Variants in TMEM38B observed in about 807,000 individuals in gnomAD.
The protein encoded by TMEM38B is trimeric intracellular cation channel type B.
TMEM38B carries 24 observed loss-of-function variants against 28.7 expected under a neutral mutation model. The observed-to-expected ratio is 0.84, with a 90% confidence interval of 0.61 to 1.18. The LOEUF (loss-of-function observed/expected upper bound fraction) is 1.18, where lower values mean the gene tolerates loss of function less well. Among genes scored for constraint, TMEM38B ranks in the 50% most tolerant of loss-of-function variants. The pLI is 0.00. For missense variants in TMEM38B, 380 were observed against 350.9 expected, an observed-to-expected ratio of 1.08 and a Z score of -0.66; for synonymous variants, 131 against 127.7, an observed-to-expected ratio of 1.03 and a Z score of -0.17.
intron 2 of TMEM38B, chr9:105,710,507 T>C: frequency 7.8e-7 from 1 of 1,289,852 alleles, no homozygotes; most frequent in Non-Finnish European, 1.1e-6. Context: ...ATTTGGTGTC[T>C]TCCGATCCCC....
intron 5 of TMEM38B, among the ~76,000 whole-genome samples, chr9:105,772,569 C>G (rs1826587895): frequency 6.6e-6 from 1 of 152,012 alleles, no homozygotes; most frequent in Non-Finnish European, 1.5e-5. Flanking sequence ...ACTTTATGTA[C>G]TTCTGTCTTT....
At chr9:105,714,191 G>A (rs754315090) in intron 2 of TMEM38B, among the ~76,000 whole-genome samples, 1 of 152,078 alleles carries the variant, frequency 6.6e-6, no homozygotes, top group Non-Finnish European at 1.5e-5. Flanking sequence ...TGCTTGCAGA[G>A]AGGAGCCACC....
chr9:105,743,112 A>G (rs188670245), intron 4 of TMEM38B, among the ~76,000 whole-genome samples: 1 of 152,302 alleles, frequency 6.6e-6, no homozygotes, highest in African/African-American at 2.4e-5. Flanking sequence ...ATAAAATAAA[A>G]CATGACTGTT....
At chr9:105,770,534 C>T (rs893194033) in intron 5 of TMEM38B, among the ~76,000 whole-genome samples, 4 of 151,970 alleles carry the variant, frequency 2.6e-5, no homozygotes, top group African/African-American at 9.7e-5. Context: ...GTTCATTCAC[C>T]TAGGTTTTTT....
chr9:105,758,271 C>T, intron 5 of TMEM38B: 1 of 674,812 alleles, frequency 1.5e-6, no homozygotes, highest in Admixed American at 2.3e-5. Context: ...GACACTGAGG[C>T]TCACAGACGT....
chr9:105,695,525 A>G (rs7039618), intron 1 of TMEM38B, among the ~76,000 whole-genome samples: 60,247 of 152,102 alleles, frequency 0.4, 13,029 homozygotes, highest in East Asian at 0.59. Flanking sequence ...ATCAAGGGAC[A>G]GTAGTTGTAT....
intron 1 of TMEM38B, among the ~76,000 whole-genome samples, chr9:105,697,875 T>A (rs58483524): frequency 0.039 from 5,938 of 152,246 alleles, 245 homozygotes; most frequent in African/African-American, 0.1. Flanking sequence ...GATCTTTTTT[T>A]AAAAAATTCT....
chr9:105,709,072 T>TA (rs1032692084), intron 2 of TMEM38B, among the ~76,000 whole-genome samples: 4 of 152,008 alleles, frequency 2.6e-5, no homozygotes, highest in African/African-American at 9.7e-5. Context: ...TGTAAATCAC[T>TA]AAAAAGTAAA....
At chr9:105,760,070 G>T in intron 5 of TMEM38B, 2 of 1,086,924 alleles carry the variant, frequency 1.8e-6, no homozygotes, top group South Asian at 1.3e-5. Context: ...GTGTTGACTG[G>T]TACACGAAGT....
intron 5 of TMEM38B, among the ~76,000 whole-genome samples, chr9:105,763,205 G>C (rs1838129777): frequency 6.6e-6 from 1 of 151,894 alleles, no homozygotes; most frequent in South Asian, 2.1e-4. Flanking sequence ...CCATTTTGTA[G>C]GTTGCCTGTT....
chr9:105,758,834 A>T (rs1012481742), intron 5 of TMEM38B: 5 of 924,370 alleles, frequency 5.4e-6, no homozygotes, highest in Non-Finnish European at 9.0e-6. Flanking sequence ...TAATCAATGA[A>T]GATCAAGAAA....
At position 105,747,323 on chromosome 9, in the gene TMEM38B, G is replaced by A. The variant is rs1837447173; in HGVS notation, c.543-750G>A. ...GTCTTGGGAGAGTGTATGTGTCGAG[G>A]AATTTATCCATTTCTTCTAGATTTT... On this transcript the variant is annotated intron_variant, in intron 4 of 5. Transcript: ENST00000374692. 2.0e-5 allele frequency among the ~76,000 whole-genome samples: 3 copies of A among 152,330 alleles called. No individual in the cohort carries two copies. The South Asian group carries it at 6.2e-4, about 32-fold the overall frequency.
At chr9:105,759,155 C>T in intron 5 of TMEM38B, 1 of 764,958 alleles carries the variant, frequency 1.3e-6, no homozygotes, top group South Asian at 1.4e-5. Context: ...ATATATTCAG[C>T]ACAATCACAG....
At position 105,774,097 on chromosome 9, in the gene TMEM38B, C is replaced by T. The variant is rs375149894; in HGVS notation, c.*17C>T. The T allele has an allele frequency of 1.9e-5, 31 of 1,605,550 alleles. No individual in the cohort carries two copies. In the African/African-American group the frequency reaches 3.9e-4, roughly 20 times the overall value. On this transcript the variant is annotated 3_prime_UTR_variant, in exon 6 of 6. Transcript: ENST00000374692. ...AATGAATAAATTTACGTGATGAGCTCTACAAGGCCAAAAATTTTTTTTCTT... is the reference window on the plus strand; with the variant it reads ...AATGAATAAATTTACGTGATGAGCTTTACAAGGCCAAAAATTTTTTTTCTT...
intron 5 of TMEM38B, chr9:105,759,225 A>G (rs1426363600): frequency 5.6e-6 from 4 of 716,346 alleles, no homozygotes; most frequent in Non-Finnish European, 1.0e-5. Context: ...ATTATTTGTG[A>G]ACATTTTGGT....
chr9:105,743,697 T>C (rs1837287484), intron 4 of TMEM38B, among the ~76,000 whole-genome samples: 1 of 152,166 alleles, frequency 6.6e-6, no homozygotes, highest in African/African-American at 2.4e-5. Context: ...GTTGTGTACA[T>C]CTCTCCTCTT....
intron 5 of TMEM38B, chr9:105,749,025 T>C: frequency 8.0e-7 from 1 of 1,257,086 alleles, no homozygotes; most frequent in Non-Finnish European, 1.0e-6. Flanking sequence ...TATATAAATA[T>C]GTGTCTTAGA....
chr9:105,703,810 A>AT (rs1467302840), intron 1 of TMEM38B, among the ~76,000 whole-genome samples: 2 of 151,932 alleles, frequency 1.3e-5, no homozygotes, highest in East Asian at 1.9e-4. Context: ...GATGATGAGC[A>AT]TTTTTTCATG....
intron 4 of TMEM38B, among the ~76,000 whole-genome samples, chr9:105,736,055 G>GTT (rs59000736): frequency 2.2e-5 from 3 of 135,726 alleles, no homozygotes; most frequent in Non-Finnish European, 1.6e-5. Flanking sequence ...CATTTTTTTT[G>GTT]TTTTTTTTTT....
Sources: gnomAD v4.1 joint callset for allele counts (sites outside exome capture counted in the v4.1 genomes callset) on GRCh38, gnomAD v4.1.1 for gene constraint, MANE v1.5 for transcripts, NCBI Gene and HGNC (gene_info 2026-07-23, HGNC 2026-07-21) for gene names.